Variants in PCDHGA8 observed in about 807,000 individuals in gnomAD.
PCDHGA8 encodes protocadherin gamma-A8.
PCDHGA8 carries 45 observed loss-of-function variants against 59.2 expected under a neutral mutation model. The ratio of observed to expected loss-of-function variants is 0.76; its 90% confidence interval spans 0.60 to 0.98. The LOEUF (loss-of-function observed/expected upper bound fraction) is 0.98. PCDHGA8 is among the 50% of genes least tolerant of loss of function. The probability of loss-of-function intolerance (pLI) is 0.00; values close to 1 mark genes in which losing one functional copy is unlikely to be tolerated. For missense variants in PCDHGA8, 1,257 were observed against 1,196.2 expected, an observed-to-expected ratio of 1.05 and a Z score of -0.75; for synonymous variants, 531 against 519.0, an observed-to-expected ratio of 1.02 and a Z score of -0.32.
intron 1 of PCDHGA8, among the ~76,000 whole-genome samples, chr5:141,425,841 C>T (rs936781561): frequency 2.0e-5 from 3 of 152,190 alleles, no homozygotes; most frequent in African/African-American, 7.2e-5. Context: ...ATTCTCTTTG[C>T]TGGGTTAATG....
rs112078596 is a variant in PCDHGA8, at chr5:141,490,350, G to A, written c.2425-4457G>A. ...GCACACCAGTGGGCACAGTAGTGGG[G>A]TTGTTTAATGTGCGAGACCGGGACT... On this transcript the variant is annotated intron_variant, in intron 1 of 3. Coordinates refer to ENST00000398604, the MANE Select transcript of PCDHGA8 (RefSeq NM_032088.2). The surrounding 1 kb of genome is among the most constrained non-coding windows in gnomAD (Gnocchi z 5.4). 3.5e-5 allele frequency: 57 copies of A among 1,614,086 alleles called. No homozygotes were observed. The highest frequency in any genetic ancestry group is 4.6e-5 in the Non-Finnish European group (54 of 1,180,042).
At position 141,490,487 on chromosome 5, in the gene PCDHGA8, C is replaced by T. The variant is rs1398601464; in HGVS notation, c.2425-4320C>T. Reference sequence around the variant, plus strand: ...ACCAGCCAGCCTTTGGACCGGGAGGCCACATCCCACTATATCATCGAGCTG... The same window carrying T: ...ACCAGCCAGCCTTTGGACCGGGAGGTCACATCCCACTATATCATCGAGCTG... On this transcript the variant is annotated intron_variant, in intron 1 of 3. Coordinates refer to ENST00000398604, the MANE Select transcript of PCDHGA8 (RefSeq NM_032088.2). This position sits in a 1 kb window ranked among gnomAD's most constrained non-coding sequence, Gnocchi z 5.4. 4 of 1,614,000 alleles carry T rather than the reference C, an allele frequency of 2.5e-6. No homozygotes were observed. The highest frequency in any genetic ancestry group is 1.7e-5 in the Admixed American group (1 of 59,996).
chr5:141,499,423 G>GA (rs1229901490), intron 2 of PCDHGA8, among the ~76,000 whole-genome samples: 1 of 151,754 alleles, frequency 6.6e-6, no homozygotes, highest in Non-Finnish European at 1.5e-5. Flanking sequence ...ATGAAAAATA[G>GA]AAAAAAAATT....
chr5:141,407,807 T>G (rs916388568), intron 1 of PCDHGA8, among the ~76,000 whole-genome samples: 1 of 152,202 alleles, frequency 6.6e-6, no homozygotes, highest in African/African-American at 2.4e-5. Context: ...CATAGAAATA[T>G]CTACTATAAT....
chr5:141,408,469 A>G (rs1454570616), intron 1 of PCDHGA8: 2 of 1,614,078 alleles, frequency 1.2e-6, no homozygotes, highest in South Asian at 2.2e-5. Flanking sequence ...TGAAGAACCG[A>G]ATAGACCGTG....
At chr5:141,400,089 C>T (rs200160561) in intron 1 of PCDHGA8, 568 of 1,613,960 alleles carry the variant, frequency 3.5e-4, no homozygotes, top group Non-Finnish European at 4.6e-4. Flanking sequence ...CCGCCACCGC[C>T]ACGCTGCACT....
In PCDHGA8 at chr5:141,486,070, T is replaced by G; in HGVS notation, c.2425-8737T>G. The G allele has an allele frequency of 6.2e-7, 1 of 1,614,158 alleles. No individual in the cohort carries two copies. Among genetic ancestry groups the G allele is most frequent in the Non-Finnish European group, 8.5e-7 (1 of 1,180,010 alleles). On this transcript the variant is annotated intron_variant, in intron 1 of 3. Coordinates refer to ENST00000398604, the MANE Select transcript of PCDHGA8 (RefSeq NM_032088.2). This position sits in a 1 kb window ranked among gnomAD's most constrained non-coding sequence, Gnocchi z 5.0. ...ACCTCTTTAGCCTGCACCCCACTAC[T>G]GGAAAGCTTACTCTTTTGGGGCCCC...
Position 141,486,282 on chromosome 5 carries a change from C to G in PCDHGA8, c.2425-8525C>G. On this transcript the variant is annotated intron_variant, in intron 1 of 3. Transcript: ENST00000398604. This position sits in a 1 kb window ranked among gnomAD's most constrained non-coding sequence, Gnocchi z 5.0. ...AGTGCAGAACCTGGCACTGTGGTGG[C>G]ACTTATCAGTGTGCAGGATCCAGAC... The G allele has an allele frequency of 1.2e-6, 2 of 1,614,052 alleles. No homozygotes were observed. The highest frequency in any genetic ancestry group is 1.7e-6 in the Non-Finnish European group (2 of 1,179,992).
At position 141,486,141 on chromosome 5, in the gene PCDHGA8, G is replaced by A. The variant is rs369317501; in HGVS notation, c.2425-8666G>A. 28 of 1,614,066 alleles carry A rather than the reference G, an allele frequency of 1.7e-5. No homozygotes were observed. The highest frequency in any genetic ancestry group is 2.3e-5 in the Non-Finnish European group (27 of 1,180,044). On this transcript the variant is annotated intron_variant, in intron 1 of 3. Transcript: ENST00000398604. This position sits in a 1 kb window ranked among gnomAD's most constrained non-coding sequence, Gnocchi z 5.0. ...TACTATGAATTTGATGTGCGGGCTC[G>A]CGATGGGGGTTCTCCAGCCATGGAG...
At chr5:141,420,213 G>A in intron 1 of PCDHGA8, 1 of 1,611,648 alleles carries the variant, frequency 6.2e-7, no homozygotes, top group Non-Finnish European at 8.5e-7. Flanking sequence ...AACAAAGATA[G>A]CATGCTACTG....
Position 141,392,901 on chromosome 5 carries a change from C to G in PCDHGA8, c.88C>G (p.Gln30Glu). The G allele has an allele frequency of 6.2e-7, 1 of 1,613,832 alleles. No individual in the cohort carries two copies. Among genetic ancestry groups the G allele is most frequent in the Non-Finnish European group, 8.5e-7 (1 of 1,179,898 alleles). Reference sequence around the variant, plus strand: ...AACGCTGTGGGAAATCGGGAGGGGACAGATTCGCTACTCTGTGCCAGAAGA... The same window carrying G: ...AACGCTGTGGGAAATCGGGAGGGGAGAGATTCGCTACTCTGTGCCAGAAGA... The part of the protein sequence containing the change: ...LGTLWEIGRG[Q>E]IRYSVPEETD... The change falls in exon 1 of 4, where the codon CAG becomes GAG. Residue 30 changes from glutamine to glutamate, a missense_variant. Transcript: ENST00000398604.
At chr5:141,450,676 G>A (rs1174388119) in intron 1 of PCDHGA8, among the ~76,000 whole-genome samples, 5 of 151,796 alleles carry the variant, frequency 3.3e-5, no homozygotes, top group African/African-American at 7.3e-5. Flanking sequence ...TAGTAGAAAC[G>A]GGGTTTTGCC....
rs2099883574 is a variant in PCDHGA8, at chr5:141,511,027, C to T, written c.2653C>T (p.Leu885=). The change falls in exon 4 of 4, where the codon CTG becomes TTG. Residue 885 remains leucine (L), a synonymous_variant. Transcript: ENST00000398604. ...CGCCCGCTACGGACCCCAGTTCACCCTGCAGCACGTGCCCGACTACCGCCA... is the reference window on the plus strand; with the variant it reads ...CGCCCGCTACGGACCCCAGTTCACCTTGCAGCACGTGCCCGACTACCGCCA... The part of the protein sequence containing the change: ...LSARYGPQFT[L]QHVPDYRQNV... 2 of 1,614,230 alleles carry T rather than the reference C, an allele frequency of 1.2e-6. No individual in the cohort carries two copies. The highest frequency in any genetic ancestry group is 1.7e-6 in the Non-Finnish European group (2 of 1,180,034).
At position 141,489,335 on chromosome 5, in the gene PCDHGA8, G is replaced by C. The variant is rs138015049; in HGVS notation, c.2425-5472G>C. 1.4e-5 allele frequency: 22 copies of C among 1,607,364 alleles called. No individual in the cohort carries two copies. Among genetic ancestry groups the C allele is most frequent in the Non-Finnish European group, 1.9e-5 (22 of 1,175,842 alleles). The stretch of plus-strand genomic sequence containing the variant: ...TGGGGCTGGGTGTCTGGGCAGCTTC[G>C]TTACTCAGTGGTGGAGGAGTCTGAG... On this transcript the variant is annotated intron_variant, in intron 1 of 3. Transcript: ENST00000398604. This position sits in a 1 kb window ranked among gnomAD's most constrained non-coding sequence, Gnocchi z 4.5.
chr5:141,482,099 A>AG (rs1423781570), intron 1 of PCDHGA8, among the ~76,000 whole-genome samples: 1 of 151,852 alleles, frequency 6.6e-6, no homozygotes, highest in African/African-American at 2.4e-5. Flanking sequence ...CAAAAAAAAA[A>AG]AAAAAATATC....
intron 1 of PCDHGA8, chr5:141,427,797 G>A (rs1194658203): frequency 6.0e-6 from 9 of 1,505,188 alleles, no homozygotes; most frequent in Admixed American, 3.4e-5. Context: ...CTACGTGTCC[G>A]TGAGCGCACA....
In PCDHGA8 at chr5:141,433,322, T is replaced by A. The variant is rs907709272; in HGVS notation, c.2424+38085T>A. On this transcript the variant is annotated intron_variant, in intron 1 of 3. Transcript: ENST00000398604. ...AATTATCCCACCTTTGCCTCCGGTGTAACAGGGACTACAGGTGCAAGCCAC... is the reference window on the plus strand; with the variant it reads ...AATTATCCCACCTTTGCCTCCGGTGAAACAGGGACTACAGGTGCAAGCCAC... The A allele has an allele frequency of 5.3e-6, 4 of 760,298 alleles. No homozygotes were observed. In the African/African-American group the frequency reaches 7.1e-5, roughly 13 times the overall value. The allele number at this position is 760,298 out of a possible 1,614,324, so 47.1% of individuals were successfully genotyped here.
At position 141,490,289 on chromosome 5, in the gene PCDHGA8, T is replaced by C; in HGVS notation, c.2425-4518T>C. ...GATGTCAATGACAATGCCCCAGAGG[T>C]GCTATTGGCCTCTTTGGCCAACCCT... On this transcript the variant is annotated intron_variant, in intron 1 of 3. Transcript: ENST00000398604. This position sits in a 1 kb window ranked among gnomAD's most constrained non-coding sequence, Gnocchi z 5.4. The C allele has an allele frequency of 1.2e-6, 2 of 1,614,096 alleles. No homozygotes were observed. The highest frequency in any genetic ancestry group is 1.7e-6 in the Non-Finnish European group (2 of 1,180,016).
At position 141,432,783 on chromosome 5, in the gene PCDHGA8, T is replaced by G; in HGVS notation, c.2424+37546T>G. The G allele has an allele frequency of 6.2e-7, 1 of 1,614,118 alleles. No individual in the cohort carries two copies. On this transcript the variant is annotated intron_variant, in intron 1 of 3. Transcript: ENST00000398604. The surrounding 1 kb of genome is among the most constrained non-coding windows in gnomAD (Gnocchi z 6.0). ...AGCATCCCCCAAGTCCTGGCGGACC[T>G]CGGCAGCCTCGAGTCTCCAGCTAAC...
Sources: allele counts gnomAD v4.1 joint callset (sites outside exome capture counted in the v4.1 genomes callset), GRCh38; gene constraint gnomAD v4.1.1; non-coding constraint Gnocchi (gnomAD v3.1); transcripts MANE v1.5; gene names NCBI Gene and HGNC (gene_info 2026-07-23, HGNC 2026-07-21).